PBX1: variants seen among roughly 807,000 people sequenced by gnomAD.
PBX1 encodes pre-B-cell leukemia transcription factor 1.
PBX1 carries 6 observed loss-of-function variants against 53.4 expected under a neutral mutation model. The ratio of observed to expected loss-of-function variants is 0.11; its 90% CI spans 0.06 to 0.22. PBX1 has a LOEUF of 0.22. PBX1 is among the 10% of genes least tolerant of loss of function. PBX1 has a pLI of 1.00. For missense variants in PBX1, 251 were observed against 551.4 expected, an observed-to-expected ratio of 0.46 and a Z score of 5.46; for synonymous variants, 204 against 212.3, an observed-to-expected ratio of 0.96 and a Z score of 0.34.
At chr1:164,606,686 C>T (rs544678106) in intron 2 of PBX1, among the ~76,000 whole-genome samples, 32 of 152,302 alleles carry the variant, frequency 2.1e-4, no homozygotes, top group African/African-American at 7.2e-4. Flanking sequence ...GGGACTTTGT[C>T]TTGTTGCTGT....
At chr1:164,868,628 C>T (rs1672276313) in intron 2 of PBX1, among the ~76,000 whole-genome samples, 1 of 152,180 alleles carries the variant, frequency 6.6e-6, no homozygotes, top group Non-Finnish European at 1.5e-5. Flanking sequence ...AAATCTTTGT[C>T]TTCTGTCTCT....
intron 8 of PBX1, among the ~76,000 whole-genome samples, chr1:164,824,211 A>G (rs139457128): frequency 2.8e-4 from 42 of 152,296 alleles, no homozygotes; most frequent in African/African-American, 9.4e-4. Context: ...TCCAAGCAGC[A>G]TCTATTTTAA....
chr1:164,593,743 T>C (rs1310270848), intron 2 of PBX1, among the ~76,000 whole-genome samples: 27 of 152,240 alleles, frequency 1.8e-4, no homozygotes, highest in Admixed American at 1.8e-3. Context: ...CTTTAAAATA[T>C]AAAGTGCCTT....
At chr1:164,746,615 G>A (rs1042092293) in intron 2 of PBX1, among the ~76,000 whole-genome samples, 55 of 151,782 alleles carry the variant, frequency 3.6e-4, no homozygotes, top group African/African-American at 1.2e-3. Context: ...GACCTCATGT[G>A]GCCAGGCTGT....
In PBX1 at chr1:164,850,945, A is replaced by G; in HGVS notation, c.*4269A>G. 4.7e-6 allele frequency: 1 copy of G among 214,412 alleles called. No homozygotes were observed. Among genetic ancestry groups the G allele is most frequent in the Non-Finnish European group, 9.4e-6 (1 of 106,048 alleles). 13.3% of individuals were successfully genotyped at this position (214,412 alleles called of 1,614,324 possible). A position where few individuals can be genotyped will look rare whatever the true frequency, so the allele number is the denominator to read the frequency against. On this transcript the variant is annotated 3_prime_UTR_variant, in exon 9 of 9. Transcript: ENST00000420696. ...AACCAAAGAGGCCTTTTCTTCCAGG[A>G]GAGTCCCGCAGGAGATGCTGGTATG...
At chr1:164,791,577 G>A (rs1000088969) in intron 2 of PBX1, among the ~76,000 whole-genome samples, 12 of 152,152 alleles carry the variant, frequency 7.9e-5, no homozygotes, top group Non-Finnish European at 1.5e-4. Context: ...ACATGTACTG[G>A]ATTTGTGTAC....
intron 2 of PBX1, among the ~76,000 whole-genome samples, chr1:164,786,360 C>A (rs557546198): frequency 2.0e-5 from 3 of 152,244 alleles, no homozygotes; most frequent in African/African-American, 7.2e-5. Context: ...CTAGGCAGTA[C>A]GTGCCCTGGT....
intron 2 of PBX1, among the ~76,000 whole-genome samples, chr1:164,620,388 AC>A (rs1219867625): frequency 6.6e-6 from 1 of 152,194 alleles, no homozygotes; most frequent in Non-Finnish European, 1.5e-5. Context: ...ATGCATTGAA[AC>A]ATGATAAAAT....
chr1:164,588,482 T>TTC (rs1655111479), intron 2 of PBX1, among the ~76,000 whole-genome samples: 1 of 102,608 alleles, frequency 9.7e-6, no homozygotes. Context: ...GCTTTTTTTT[T>TTC]TTTTTTTTTT....
rs1487171439 is a variant in PBX1, at chr1:164,818,105, T to C, written c.998-1967T>C. ...GACATCTAAATGCAAGCATGTATTG[T>C]AATACATTACAAAATGACTTTTATT... is the stretch of plus-strand genomic sequence containing the variant. On this transcript the variant is annotated intron_variant, in intron 6 of 8. Transcript: ENST00000420696. The C allele has an allele frequency of 2.6e-5, 4 of 152,242 alleles. No homozygotes were observed. The East Asian group carries it at 7.7e-4, about 29-fold the overall frequency. The allele number at this position is 152,242 out of a possible 1,614,324, so 9.4% of individuals were successfully genotyped here.
chr1:164,747,156 T>C (rs1367225249), intron 2 of PBX1, among the ~76,000 whole-genome samples: 1 of 152,304 alleles, frequency 6.6e-6, no homozygotes, highest in East Asian at 1.9e-4. Context: ...CTCTACCATT[T>C]GTGTTCTTAC....
intron 2 of PBX1, among the ~76,000 whole-genome samples, chr1:164,714,959 C>T (rs1664002208): frequency 6.6e-6 from 1 of 151,784 alleles, no homozygotes; most frequent in Admixed American, 6.6e-5. Flanking sequence ...AATCCCTTAA[C>T]TGTCCATGCC....
chr1:164,671,319 A>G lies in PBX1; in HGVS notation c.265+108008A>G, dbSNP rs570539350. On this transcript the variant is annotated intron_variant, in intron 2 of 8. Coordinates refer to ENST00000420696, the MANE Select transcript of PBX1 (RefSeq NM_002585.4). The stretch of plus-strand genomic sequence containing the variant: ...TAATGAAATGAAGTAAAAATAATCA[A>G]TTTCAGATGTTTCCAGTGTTGGTGG... 2.6e-5 allele frequency among the ~76,000 whole-genome samples: 4 copies of G among 152,234 alleles called. No individual in the cohort carries two copies. The South Asian group carries it at 8.3e-4, about 32-fold the overall frequency.
intron 3 of PBX1, among the ~76,000 whole-genome samples, chr1:164,796,407 G>C (rs1433190148): frequency 6.6e-6 from 1 of 152,136 alleles, no homozygotes; most frequent in African/African-American, 2.4e-5. Context: ...AAATTATCTT[G>C]TGGCTTTGTA....
rs537693783 is a variant in PBX1, at chr1:164,559,620, C to A, written c.-203C>A. 4.3e-3 allele frequency: 1,463 copies of A among 341,910 alleles called. 12 individuals are homozygous for A. Among genetic ancestry groups the A allele is most frequent in the Middle Eastern group, 0.018 (22 of 1,208 alleles). The allele number at this position is 341,910 out of a possible 1,614,324, so 21.2% of individuals were successfully genotyped here. ...CCCCGCAACCCCTTCACGCCCCCTCCCCCTCCCCCTCCTCATCCTCCCACC... is the reference window on the plus strand; with the variant it reads ...CCCCGCAACCCCTTCACGCCCCCTCACCCTCCCCCTCCTCATCCTCCCACC... On this transcript the variant is annotated 5_prime_UTR_variant, in exon 1 of 9. Transcript: ENST00000420696.
intron 2 of PBX1, among the ~76,000 whole-genome samples, chr1:164,569,669 C>G (rs1178612909): frequency 7.7e-6 from 1 of 130,632 alleles, no homozygotes. Context: ...TCCCTGGGTT[C>G]AAGCGATTCT....
intron 2 of PBX1, chr1:164,787,741 C>A (rs552204920): frequency 1.3e-5 from 2 of 152,210 alleles, no homozygotes; most frequent in Non-Finnish European, 2.9e-5. Context: ...CCAGGGCAAG[C>A]GATGGCAGCA....
At chr1:164,634,486 A>G (rs1172495700) in intron 2 of PBX1, among the ~76,000 whole-genome samples, 1 of 152,224 alleles carries the variant, frequency 6.6e-6, no homozygotes, top group Non-Finnish European at 1.5e-5. Flanking sequence ...AGCTTGGGGT[A>G]CCGTTGAAAC....
At chr1:164,606,270 G>A (rs1369497561) in intron 2 of PBX1, among the ~76,000 whole-genome samples, 5 of 152,210 alleles carry the variant, frequency 3.3e-5, no homozygotes, top group Admixed American at 6.5e-5. Context: ...CGGGTAGATT[G>A]CTTGAGGCCA....
Sources: gnomAD v4.1 joint callset for allele counts (sites outside exome capture counted in the v4.1 genomes callset) on GRCh38, gnomAD v4.1.1 for gene constraint, MANE v1.5 for transcripts, NCBI Gene and HGNC (gene_info 2026-07-23, HGNC 2026-07-21) for gene names.